The following COL24A1 variants were observed in gnomAD, a reference collection of about 807,000 sequenced individuals.
The protein encoded by COL24A1 is collagen alpha-1(XXIV) chain.
COL24A1 carries 224 observed loss-of-function variants against 253.9 expected under a neutral mutation model. The observed-to-expected ratio is 0.88, with a 90% CI of 0.79 to 0.99. COL24A1 has a LOEUF of 0.99. Ranked by LOEUF, COL24A1 falls within the 50% of genes least tolerant of loss-of-function variation. The pLI is 0.00. For missense variants in COL24A1, 2,131 were observed against 2,068.5 expected (o/e 1.03, Z -0.59); for synonymous variants, 685 against 673.7 (o/e 1.02, Z -0.26).
At chr1:85,849,515 A>G in intron 37 of COL24A1, 109 bp from the exon 38 acceptor site, 2 of 834,998 alleles carry the variant, frequency 2.4e-6, no homozygotes, top group South Asian at 3.2e-5. Context: ...CGAGAAGTAA[A>G]AATGAGGGTT....
intron 55 of COL24A1, among the ~76,000 whole-genome samples, chr1:85,747,686 G>A (rs1244811845): frequency 6.6e-6 from 1 of 152,046 alleles, no homozygotes; most frequent in Non-Finnish European, 1.5e-5. Flanking sequence ...GCCTAATAGA[G>A]ATATGTAGTA....
chr1:85,985,037 T>C (rs946459703), intron 20 of COL24A1, among the ~76,000 whole-genome samples: 2 of 151,950 alleles, frequency 1.3e-5, no homozygotes, highest in Non-Finnish European at 2.9e-5. Flanking sequence ...ATAGTTATTA[T>C]GATGTATATA....
chr1:86,139,631 T>A (rs903290835), intron 2 of COL24A1, among the ~76,000 whole-genome samples: 1 of 152,174 alleles, frequency 6.6e-6, no homozygotes, highest in Non-Finnish European at 1.5e-5. Flanking sequence ...GAGTTAACTC[T>A]TAACTATTAA....
chr1:85,863,596 C>G (rs1403559907), intron 37 of COL24A1, among the ~76,000 whole-genome samples: 1 of 152,132 alleles, frequency 6.6e-6, no homozygotes, highest in African/African-American at 2.4e-5. Context: ...AAAGAAACTA[C>G]CATCAGAGTG....
chr1:86,089,238 A>C lies in COL24A1; in HGVS notation c.1654-11T>G. On this transcript the variant is annotated splice_polypyrimidine_tract_variant and intron_variant, in intron 6 of 59. Transcript: ENST00000370571. ...AAGGCCTTGATCACCCTATAAACAA[A>C]ATACAGACGTTTAATGTCATGAAAG... The C allele has an allele frequency of 6.4e-7, 1 of 1,572,338 alleles. No homozygotes were observed.
Position 85,932,874 on chromosome 1 carries a change from G to T in COL24A1, c.2563-21441C>A, listed in dbSNP as rs1173540561. ...ACACCGCATATTCTCACTCATAGGTGGGAATTGAACAATGAGATCACATGG... is the reference window on the plus strand; with the variant it reads ...ACACCGCATATTCTCACTCATAGGTTGGAATTGAACAATGAGATCACATGG... On this transcript the variant is annotated intron_variant, in intron 24 of 59. Coordinates refer to ENST00000370571, the MANE Select transcript of COL24A1 (RefSeq NM_152890.7). Among the ~76,000 whole-genome samples, 7 of 82,388 alleles carry T rather than the reference G, an allele frequency of 8.5e-5. 1 individual carries two copies. The East Asian group carries it at 2.2e-3, about 25-fold the overall frequency. 54.0% of individuals were successfully genotyped at this position (82,388 alleles called of 152,430 possible).
chr1:85,817,813 A>G (rs1236464669), intron 46 of COL24A1, among the ~76,000 whole-genome samples: 1 of 152,170 alleles, frequency 6.6e-6, no homozygotes, highest in Non-Finnish European at 1.5e-5. Flanking sequence ...CCAGGAAAAT[A>G]GCATCCTTCA....
chr1:86,063,683 C>A, intron 8 of COL24A1, 32 bp downstream of exon 8: 1 of 1,464,868 alleles, frequency 6.8e-7, no homozygotes, highest in Non-Finnish European at 9.1e-7. Flanking sequence ...CTTTTTCACA[C>A]ATGATACAAG....
Position 86,023,006 on chromosome 1 carries a change from C to T in COL24A1, c.2051G>A (p.Gly684Asp), listed in dbSNP as rs200499255. The change falls in exon 15 of 60, where the codon GGC becomes GAC. Residue 684 changes from glycine (G) to aspartate (D), a missense_variant and splice_region_variant. Coordinates refer to ENST00000370571, the MANE Select transcript of COL24A1 (RefSeq NM_152890.7). ...TGPPGFPGLR[G>D]SVGPVGPIGP... ...AATTGGTCCCACAGGGCCAACACTG[C>T]CCTGGAAAACAGTAAGAAAGAAATG... The T allele has an allele frequency of 1.9e-5, 30 of 1,612,028 alleles. No homozygotes were observed. In the Admixed American group the frequency reaches 2.8e-4, roughly 15 times the overall value.
At chr1:86,101,040 A>T (rs761136023) in intron 5 of COL24A1, among the ~76,000 whole-genome samples, 9 of 152,026 alleles carry the variant, frequency 5.9e-5, no homozygotes, top group Admixed American at 4.6e-4. Flanking sequence ...GTCCAAGCAG[A>T]AGTGTGCGTC....
At position 85,818,074 on chromosome 1, in the gene COL24A1, T is replaced by A; in HGVS notation, c.3803A>T (p.Lys1268Ile). 1 of 1,613,594 alleles carries A rather than the reference T, an allele frequency of 6.2e-7. No individual in the cohort carries two copies. Among genetic ancestry groups the A allele is most frequent in the Non-Finnish European group, 8.5e-7 (1 of 1,179,544 alleles). The change falls in exon 46 of 60, where the codon AAA becomes ATA. Residue 1268 changes from lysine (K) to isoleucine (I), a missense_variant. Coordinates refer to ENST00000370571, the MANE Select transcript of COL24A1 (RefSeq NM_152890.7). ...GERGSEGNKG[K>I]KGAPGPSGKP... is the part of the protein sequence containing the mutation. ...CCCAGAAGGACCAGGAGCTCCTTTT[T>A]TCCCCTTATTACCCTAAAGATGGAA...
chr1:85,920,069 C>A (rs570560890), intron 24 of COL24A1, among the ~76,000 whole-genome samples: 1 of 151,990 alleles, frequency 6.6e-6, no homozygotes, highest in Non-Finnish European at 1.5e-5. Context: ...TGTAACAGAT[C>A]CTGTGCTAAG....
At position 86,125,100 on chromosome 1, in the gene COL24A1, G is replaced by A. The variant is rs758826873; in HGVS notation, c.1236C>T (p.Ile412=). ...GTTCGTTAGTGTGTAGATTTGCTGT[G>A]ATAGCCTTCTTGAGATTAGTAATTG... The part of the protein sequence containing the change: ...QDTITNLKKA[I]TANLHTNELM... Residue 412 remains isoleucine, a synonymous_variant, in exon 3 of 60, where the codon ATC becomes ATT. Coordinates refer to ENST00000370571, the MANE Select transcript of COL24A1 (RefSeq NM_152890.7). 1.2e-6 allele frequency: 2 copies of A among 1,613,210 alleles called. No homozygotes were observed. The highest frequency in any genetic ancestry group is 1.7e-6 in the Non-Finnish European group (2 of 1,179,692).
At chr1:85,958,055 G>A (rs1298425412) in intron 24 of COL24A1, among the ~76,000 whole-genome samples, 1 of 152,004 alleles carries the variant, frequency 6.6e-6, no homozygotes, top group African/African-American at 2.4e-5. Context: ...CTACATGACT[G>A]GCATTGTGAT....
chr1:86,008,155 A>T (rs1696142553), intron 19 of COL24A1, among the ~76,000 whole-genome samples: 1 of 152,250 alleles, frequency 6.6e-6, no homozygotes, highest in Non-Finnish European at 1.5e-5. Flanking sequence ...ATCTCCATAC[A>T]TGTAGGAAAT....
chr1:85,835,225 G>A lies in COL24A1; in HGVS notation c.3681+3360C>T, dbSNP rs60692630. Among the ~76,000 whole-genome samples, 1,031 of 136,542 alleles carry A rather than the reference G, an allele frequency of 7.6e-3. 7 individuals carry two copies. Among genetic ancestry groups the A allele is most frequent in the African/African-American group, 0.024 (918 of 38,192 alleles). 89.6% of individuals were successfully genotyped at this position (136,542 alleles called of 152,430 possible). A position where few individuals can be genotyped will look rare whatever the true frequency, so the allele number is the denominator to read the frequency against. On this transcript the variant is annotated intron_variant, in intron 43 of 59. Transcript: ENST00000370571. Reference sequence around the variant, plus strand: ...ACCTCTGCCTCTGCCTCTGCCTCCCGGGTTCAAGTGTTTCTCCTGCCTCAG... The same window carrying A: ...ACCTCTGCCTCTGCCTCTGCCTCCCAGGTTCAAGTGTTTCTCCTGCCTCAG...
intron 43 of COL24A1, among the ~76,000 whole-genome samples, chr1:85,825,210 G>A (rs1674138521): frequency 6.6e-6 from 1 of 151,780 alleles, no homozygotes; most frequent in South Asian, 2.1e-4. Context: ...GACTGAGAAT[G>A]ATGATTTCCA....
intron 20 of COL24A1, among the ~76,000 whole-genome samples, chr1:85,973,246 T>C (rs1347857073): frequency 6.6e-6 from 1 of 152,174 alleles, no homozygotes; most frequent in Non-Finnish European, 1.5e-5. Flanking sequence ...TTCTACTATG[T>C]ATAAGGCTCA....
intron 12 of COL24A1, among the ~76,000 whole-genome samples, chr1:86,043,593 T>C (rs2101624150): frequency 6.6e-6 from 1 of 152,180 alleles, no homozygotes; most frequent in East Asian, 1.9e-4. Flanking sequence ...AGTGGCACGC[T>C]CTCAGCTCAC....
Sources: gnomAD v4.1 joint callset for allele counts (sites outside exome capture counted in the v4.1 genomes callset) on GRCh38, gnomAD v4.1.1 for gene constraint, MANE v1.5 for transcripts, NCBI Gene and HGNC (gene_info 2026-07-23, HGNC 2026-07-21) for gene names.